The following DPP6 variants were observed in gnomAD, a reference collection of about 807,000 sequenced individuals.
DPP6 encodes A-type potassium channel modulatory protein DPP6.
DPP6 carries 69 observed loss-of-function variants against 122.6 expected under a neutral mutation model. That is an observed-to-expected ratio of 0.56 (90% confidence interval 0.46 to 0.69). The LOEUF (loss-of-function observed/expected upper bound fraction) is 0.69, where lower values mean the gene tolerates loss of function less well. Among genes scored for constraint, DPP6 ranks in the 30% least tolerant of loss-of-function variants. The pLI, the probability that DPP6 is intolerant of heterozygous loss-of-function variation, is 0.00. For synonymous variants in DPP6, 418 were observed against 433.1 expected (o/e 0.97, Z 0.43); for missense variants, 928 against 1,116.9 (o/e 0.83, Z 2.41).
intron 1 of DPP6, among the ~76,000 whole-genome samples, chr7:154,324,868 T>TTA (rs1808297833): frequency 9.6e-5 from 1 of 10,410 alleles, no homozygotes; most frequent in African/African-American, 2.1e-4. Flanking sequence ...CCTTTTGTTA[T>TTA]TTTTTTTTTT....
At chr7:154,424,667 G>A (rs10952477) in intron 1 of DPP6, among the ~76,000 whole-genome samples, 82,481 of 152,120 alleles carry the variant, frequency 0.54, 25,703 homozygotes, top group South Asian at 0.68. Flanking sequence ...TTCACGTAAC[G>A]TAGCCACAGG....
intron 1 of DPP6, among the ~76,000 whole-genome samples, chr7:154,373,599 C>T (rs1270742533): frequency 6.6e-6 from 1 of 152,144 alleles, no homozygotes; most frequent in African/African-American, 2.4e-5. Context: ...TTTCTGCATG[C>T]GCTCATTTAA....
At chr7:154,431,822 C>A (rs927478136) in intron 1 of DPP6, among the ~76,000 whole-genome samples, 5 of 152,098 alleles carry the variant, frequency 3.3e-5, no homozygotes, top group African/African-American at 1.2e-4. Context: ...CGAGAGCCAC[C>A]GCACCCAGCC....
At chr7:154,298,638 G>A (rs552456365) in intron 1 of DPP6, among the ~76,000 whole-genome samples, 2 of 152,306 alleles carry the variant, frequency 1.3e-5, no homozygotes, top group South Asian at 4.1e-4. Context: ...TACTCTAGCA[G>A]TAGTGCCTGA....
chr7:154,044,300 T>C (rs1799911489), intron 1 of DPP6, among the ~76,000 whole-genome samples: 1 of 152,236 alleles, frequency 6.6e-6, no homozygotes, highest in South Asian at 2.1e-4. Context: ...ATGGGTATAG[T>C]GGTGCTGATA....
At chr7:154,157,214 C>T (rs1362714774) in intron 1 of DPP6, among the ~76,000 whole-genome samples, 7 of 152,266 alleles carry the variant, frequency 4.6e-5, no homozygotes, top group African/African-American at 1.7e-4. Flanking sequence ...TCTAAAATTT[C>T]AGAGCCAAGA....
intron 1 of DPP6, 44 bp from the exon 2 acceptor site, chr7:154,446,170 C>A: frequency 7.9e-7 from 1 of 1,267,300 alleles, no homozygotes. Context: ...ATTTTATTTC[C>A]TTATTTCACT....
intron 1 of DPP6, among the ~76,000 whole-genome samples, chr7:154,306,673 A>T (rs1396160353): frequency 5.3e-5 from 8 of 152,206 alleles, no homozygotes; most frequent in Non-Finnish European, 1.0e-4. Context: ...AAGCCCATTT[A>T]TCGATAAAAG....
the DPP6 span, among the ~76,000 whole-genome samples, chr7:153,786,740 G>GAAAAAAAAAAAAA: frequency 4.4e-4 from 14 of 31,800 alleles, no homozygotes; most frequent in African/African-American, 9.2e-4. Context: ...CTCCGTCTCA[G>GAAAAAAAAAAAAA]AAAAAAAAAA....
intron 1 of DPP6, among the ~76,000 whole-genome samples, chr7:154,081,186 A>G (rs1016671038): frequency 6.6e-6 from 1 of 151,730 alleles, no homozygotes; most frequent in Non-Finnish European, 1.5e-5. Context: ...ATGCTGGGGC[A>G]GAGAGCAGGA....
chr7:154,429,873 T>A (rs566972491), intron 1 of DPP6, among the ~76,000 whole-genome samples: 2 of 152,272 alleles, frequency 1.3e-5, no homozygotes, highest in East Asian at 3.9e-4. Flanking sequence ...CAGATGGAGC[T>A]GGGTATTATA....
the DPP6 span, among the ~76,000 whole-genome samples, chr7:153,749,060 G>C: frequency 1.3e-5 from 2 of 152,254 alleles, no homozygotes; most frequent in East Asian, 1.9e-4. The surrounding 1 kb of genome is among the most constrained non-coding windows in gnomAD (Gnocchi z 4.1). Flanking sequence ...GGCGCAGATG[G>C]AGGCTACAGT....
intron 1 of DPP6, among the ~76,000 whole-genome samples, chr7:154,147,446 T>TTTCCTTCCTTCC (rs200682495): frequency 0.015 from 2,161 of 142,994 alleles, 41 homozygotes; most frequent in African/African-American, 0.047. Context: ...ACTTTATTCA[T>TTTCCTTCCTTCC]TTCCTTCCTT....
At chr7:154,019,264 C>T (rs1480983904) in intron 1 of DPP6, among the ~76,000 whole-genome samples, 3 of 152,086 alleles carry the variant, frequency 2.0e-5, no homozygotes, top group Non-Finnish European at 4.4e-5. Context: ...AAGAGGAAAA[C>T]AAATATCCTG....
At chr7:154,783,121 G>C (rs1242408612) in intron 10 of DPP6, among the ~76,000 whole-genome samples, 1 of 152,124 alleles carries the variant, frequency 6.6e-6, no homozygotes, top group African/African-American at 2.4e-5. Context: ...AACCTGACTT[G>C]CCTCCTTAGA....
chr7:153,903,465 A>G (rs2128999709), intron 1 of DPP6, among the ~76,000 whole-genome samples: 1 of 152,340 alleles, frequency 6.6e-6, no homozygotes, highest in South Asian at 2.1e-4. Context: ...AGGCTCAAAG[A>G]AGTTCAATGA....
At chr7:154,847,069 C>G (rs1467683865) in intron 16 of DPP6, among the ~76,000 whole-genome samples, 1 of 152,174 alleles carries the variant, frequency 6.6e-6, no homozygotes, top group African/African-American at 2.4e-5. Flanking sequence ...TTCTTGTGCA[C>G]AGGTGCAGAG....
intron 18 of DPP6, among the ~76,000 whole-genome samples, chr7:154,871,816 G>T (rs1804422767): frequency 6.6e-6 from 1 of 152,230 alleles, no homozygotes; most frequent in Non-Finnish European, 1.5e-5. Flanking sequence ...CAATTTAATT[G>T]CTGTGCCTTT....
chr7:153,867,205 A>G, the DPP6 span, among the ~76,000 whole-genome samples: 1 of 152,128 alleles, frequency 6.6e-6, no homozygotes, highest in Non-Finnish European at 1.5e-5. Context: ...TGGTAGCTTG[A>G]GGGGGATGGC....
Sources: allele counts gnomAD v4.1 joint callset (sites outside exome capture counted in the v4.1 genomes callset), GRCh38; gene constraint gnomAD v4.1.1; non-coding constraint Gnocchi (gnomAD v3.1); transcripts MANE v1.5; gene names NCBI Gene and HGNC (gene_info 2026-07-23, HGNC 2026-07-21).